The following GNPDA2 variants were observed in gnomAD, a reference collection of about 807,000 sequenced individuals.
GNPDA2 encodes the protein glcN6P deaminase 2.
GNPDA2 carries 24 observed loss-of-function variants against 27.0 expected under a neutral mutation model. The observed-to-expected ratio is 0.89, with a 90% CI of 0.64 to 1.25. The LOEUF (loss-of-function observed/expected upper bound fraction) is 1.25, where lower values mean the gene tolerates loss of function less well. Among genes scored for constraint, GNPDA2 ranks in the 50% most tolerant of loss-of-function variants. The probability of loss-of-function intolerance (pLI) is 0.00; values close to 1 mark genes in which losing one functional copy is unlikely to be tolerated. For synonymous variants in GNPDA2, 94 were observed against 108.4 expected, an observed-to-expected ratio of 0.87 and a Z score of 0.83; for missense variants, 286 against 335.1, an observed-to-expected ratio of 0.85 and a Z score of 1.14.
Position 44,711,041 on chromosome 4 carries a change from G to T in GNPDA2, c.506C>A (p.Ala169Glu). 1 of 1,613,314 alleles carries T rather than the reference G, an allele frequency of 6.2e-7. No individual in the cohort carries two copies. The highest frequency in any genetic ancestry group is 8.5e-7 in the Non-Finnish European group (1 of 1,179,580). ...ATCTCCATCAAAATATTTGGCATTTGCCAAGATGGTATCCATTGCTAGAGT... is the reference window on the plus strand; with the variant it reads ...ATCTCCATCAAAATATTTGGCATTTTCCAAGATGGTATCCATTGCTAGAGT... Reference protein sequence around the residue: ...LKTLAMDTILANAKYFDGDLS... With the variant: ...LKTLAMDTILENAKYFDGDLS... Residue 169 changes from alanine (A) to glutamate (E), a missense_variant, in exon 5 of 7, where the codon GCA becomes GAA. Transcript: ENST00000295448.
chr4:44,720,872 T>A (rs1051411892), intron 2 of GNPDA2, among the ~76,000 whole-genome samples: 1 of 152,084 alleles, frequency 6.6e-6, no homozygotes, highest in Non-Finnish European at 1.5e-5. Context: ...TAAGACTAAG[T>A]CTTTCTGTCC....
chr4:44,717,082 A>T, intron 4 of GNPDA2, 31 bp downstream of exon 4: 1 of 1,476,500 alleles, frequency 6.8e-7, no homozygotes, highest in Non-Finnish European at 9.3e-7. Flanking sequence ...AAACACTAAC[A>T]AACAGTTAAT....
chr4:44,721,107 C>T (rs2109721049), intron 2 of GNPDA2, among the ~76,000 whole-genome samples: 1 of 150,914 alleles, frequency 6.6e-6, no homozygotes, highest in African/African-American at 2.4e-5. Context: ...TGCCCTGGAC[C>T]AAAAGAGAAA....
chr4:44,723,045 T>G (rs890137541), intron 1 of GNPDA2, among the ~76,000 whole-genome samples: 2 of 152,158 alleles, frequency 1.3e-5, no homozygotes, highest in African/African-American at 4.8e-5. Context: ...AGAAATTTCT[T>G]GACAAAAAGC....
At position 44,702,542 on chromosome 4, in the gene GNPDA2, T is replaced by G. The variant is rs1346400189; in HGVS notation, c.*539A>C. 3 of 986,402 alleles carry G rather than the reference T, an allele frequency of 3.0e-6. No homozygotes were observed. The highest frequency in any genetic ancestry group is 3.6e-6 in the Non-Finnish European group (3 of 830,350). 61.1% of individuals were successfully genotyped at this position (986,402 alleles called of 1,614,324 possible). ...TTTAGGCACTGTCATCTCTTCAAAT[T>G]TCCTTTACCAATGATATATAGCACA... On this transcript the variant is annotated 3_prime_UTR_variant, in exon 7 of 7. Coordinates refer to ENST00000295448, the MANE Select transcript of GNPDA2 (RefSeq NM_138335.3).
chr4:44,704,184 A>C, intron 6 of GNPDA2: 3 of 984,842 alleles, frequency 3.0e-6, no homozygotes, highest in Non-Finnish European at 3.6e-6. Flanking sequence ...TGGGACTCTA[A>C]AGGAGGGAAG....
chr4:44,715,709 A>G (rs1315828330), intron 4 of GNPDA2, among the ~76,000 whole-genome samples: 2 of 152,102 alleles, frequency 1.3e-5, no homozygotes, highest in African/African-American at 4.8e-5. Context: ...TACTGAAGTA[A>G]TATTAGTAAA....
chr4:44,725,481 T>A (rs1717950860), intron 1 of GNPDA2, among the ~76,000 whole-genome samples: 1 of 152,206 alleles, frequency 6.6e-6, no homozygotes, highest in Admixed American at 6.5e-5. Context: ...CTTTTGCAAA[T>A]TATCACAGGG....
intron 6 of GNPDA2, chr4:44,704,201 G>A: frequency 1.0e-6 from 1 of 982,412 alleles, no homozygotes; most frequent in Non-Finnish European, 1.2e-6. Flanking sequence ...GAAGGGGGAA[G>A]CATTCCATTC....
intron 2 of GNPDA2, among the ~76,000 whole-genome samples, chr4:44,720,606 G>A (rs759746937): frequency 6.6e-6 from 1 of 152,070 alleles, no homozygotes; most frequent in Non-Finnish European, 1.5e-5. Flanking sequence ...CCCAGAAATT[G>A]CGCTTGATAG....
intron 2 of GNPDA2, among the ~76,000 whole-genome samples, chr4:44,719,010 T>G (rs1330956643): frequency 6.6e-6 from 1 of 151,992 alleles, no homozygotes; most frequent in African/African-American, 2.4e-5. Flanking sequence ...ATAGAACTTA[T>G]AGGAAAGAGG....
Position 44,708,652 on chromosome 4 carries a change from TC to T in GNPDA2, c.595-727del, listed in dbSNP as rs201430899. Among the ~76,000 whole-genome samples the T allele has an allele frequency of 6.6e-5, 10 of 150,712 alleles. No homozygotes were observed. In the East Asian group the frequency reaches 1.7e-3, roughly 26 times the overall value. ...TGAATGTGTATGTGTCGGAATCTTT[TC>T]TTTATCATGTTTAAGCTGGAAATTG... On this transcript the variant is annotated intron_variant, in intron 5 of 6. Coordinates refer to ENST00000295448, the MANE Select transcript of GNPDA2 (RefSeq NM_138335.3).
rs1335165924 is a variant in GNPDA2 at position 44,702,441 on chromosome 4, T to TA, written c.*639dup. 3 of 975,994 alleles carry TA rather than the reference T, an allele frequency of 3.1e-6. No homozygotes were observed. The African/African-American group carries it at 5.3e-5, about 17-fold the overall frequency. The allele number at this position is 975,994 out of a possible 1,614,324, so 60.5% of individuals were successfully genotyped here. On this transcript the variant is annotated 3_prime_UTR_variant, in exon 7 of 7. Coordinates refer to ENST00000295448, the MANE Select transcript of GNPDA2 (RefSeq NM_138335.3). ...TCGTTAAATAAAAATAAGATATTTG[T>TA]AAAAAAGTGCTATAGAAGAAGGTGC...
chr4:44,708,050 C>T lies in GNPDA2; in HGVS notation c.595-124G>A, dbSNP rs2109696691. ...AGAGAAAGAAAAATACATAGCTCCA[C>T]ATAATAGTTCAAGGTATTCATTTCT... is the stretch of plus-strand genomic sequence containing the variant. On this transcript the variant is annotated intron_variant, in intron 5 of 6. Coordinates refer to ENST00000295448, the MANE Select transcript of GNPDA2 (RefSeq NM_138335.3). 1.1e-5 allele frequency: 6 copies of T among 569,456 alleles called. No homozygotes were observed. The East Asian group carries it at 1.7e-4, about 16-fold the overall frequency. The allele number at this position is 569,456 out of a possible 1,614,324, so 35.3% of individuals were successfully genotyped here. A position where few individuals can be genotyped will look rare whatever the true frequency, so the allele number is the denominator to read the frequency against.
chr4:44,707,639 T>G, intron 6 of GNPDA2, 113 bp downstream of exon 6: 1 of 801,582 alleles, frequency 1.2e-6, no homozygotes. Context: ...ACTAGCTATG[T>G]GTTGCCACTT....
At chr4:44,718,262 A>G in intron 3 of GNPDA2, 47 bp downstream of exon 3, 1 of 733,068 alleles carries the variant, frequency 1.4e-6, no homozygotes, top group Non-Finnish European at 2.2e-6. Flanking sequence ...TTTTATTCCA[A>G]ATATAACATA....
At chr4:44,708,917 T>C (rs1007101207) in intron 5 of GNPDA2, among the ~76,000 whole-genome samples, 4 of 152,142 alleles carry the variant, frequency 2.6e-5, no homozygotes, top group South Asian at 2.1e-4. Flanking sequence ...CTTACTCATA[T>C]TTTAAAGATA....
At chr4:44,710,375 T>C (rs1322854606) in intron 5 of GNPDA2, among the ~76,000 whole-genome samples, 2 of 152,178 alleles carry the variant, frequency 1.3e-5, no homozygotes, top group African/African-American at 2.4e-5. Context: ...GACTACAATG[T>C]GTTCTGTATT....
At chr4:44,715,353 T>C (rs1473642364) in intron 4 of GNPDA2, among the ~76,000 whole-genome samples, 3 of 152,156 alleles carry the variant, frequency 2.0e-5, no homozygotes, top group Non-Finnish European at 2.9e-5. Flanking sequence ...TGCATACTTA[T>C]GTAAGGTCAA....
Sources: gnomAD v4.1 joint callset for allele counts (sites outside exome capture counted in the v4.1 genomes callset) on GRCh38, gnomAD v4.1.1 for gene constraint, MANE v1.5 for transcripts, NCBI Gene and HGNC (gene_info 2026-07-23, HGNC 2026-07-21) for gene names.